The following RHOBTB3 variants were observed in gnomAD, a reference collection of about 807,000 sequenced individuals.
RHOBTB3 encodes rho-related BTB domain-containing protein 3.
RHOBTB3 carries 47 observed loss-of-function variants against 67.2 expected under a neutral mutation model. The observed-to-expected ratio is 0.70, with a 90% CI of 0.55 to 0.89. The LOEUF (loss-of-function observed/expected upper bound fraction) is 0.89, where lower values mean the gene tolerates loss of function less well. Ranked by LOEUF, RHOBTB3 falls within the 40% of genes least tolerant of loss-of-function variation. RHOBTB3 has a pLI of 0.00. For synonymous variants in RHOBTB3, 273 were observed against 274.2 expected (o/e 1.00, Z 0.04); for missense variants, 631 against 750.0 (o/e 0.84, Z 1.85).
intron 3 of RHOBTB3, among the ~76,000 whole-genome samples, chr5:95,747,368 C>A (rs910596262): frequency 3.9e-5 from 6 of 152,216 alleles, no homozygotes; most frequent in Admixed American, 3.9e-4. Context: ...CCCAAGATCA[C>A]TCCCCAATTA....
intron 11 of RHOBTB3, among the ~76,000 whole-genome samples, chr5:95,792,467 G>A (rs113794341): frequency 2.7e-5 from 4 of 150,830 alleles, no homozygotes; most frequent in East Asian, 1.9e-4. Flanking sequence ...AAATAAGTCC[G>A]TTATATCCAG....
chr5:95,757,529 G>A (rs1366634531), intron 6 of RHOBTB3, among the ~76,000 whole-genome samples: 2 of 152,172 alleles, frequency 1.3e-5, no homozygotes, highest in Non-Finnish European at 2.9e-5. Context: ...CATACAGGTA[G>A]GGAAATTTGG....
At chr5:95,761,369 G>C (rs993552340) in intron 6 of RHOBTB3, among the ~76,000 whole-genome samples, 8 of 144,458 alleles carry the variant, frequency 5.5e-5, no homozygotes, top group Non-Finnish European at 1.1e-4. Flanking sequence ...TTGAGACAGG[G>C]TCTCACTCTG....
At chr5:95,759,643 C>T (rs1022654856) in intron 6 of RHOBTB3, among the ~76,000 whole-genome samples, 11 of 152,148 alleles carry the variant, frequency 7.2e-5, no homozygotes, top group South Asian at 2.1e-4. Flanking sequence ...TTTAAACCTA[C>T]GTTTTTCTCA....
At chr5:95,783,989 C>A in intron 10 of RHOBTB3, 26 bp downstream of exon 10, 1 of 1,515,418 alleles carries the variant, frequency 6.6e-7, no homozygotes, top group East Asian at 2.3e-5. Flanking sequence ...TATCTGATAG[C>A]CTAGTTTTTT....
intron 9 of RHOBTB3, 93 bp downstream of exon 9, chr5:95,780,518 T>A (rs1308872522): frequency 1.1e-5 from 12 of 1,059,810 alleles, no homozygotes; most frequent in Non-Finnish European, 1.7e-5. Context: ...TATTTTCATT[T>A]AAGATTTATT....
chr5:95,767,719 G>T (rs559102691), intron 7 of RHOBTB3: 6 of 654,532 alleles, frequency 9.2e-6, no homozygotes, highest in African/African-American at 3.6e-5. Context: ...GTAGGCATTT[G>T]TATGGAGTTG....
intron 7 of RHOBTB3, among the ~76,000 whole-genome samples, chr5:95,767,553 G>C (rs1745583366): frequency 1.3e-5 from 2 of 152,220 alleles, no homozygotes; most frequent in Admixed American, 1.3e-4. Flanking sequence ...GGCCAGGCTG[G>C]TCTCAAACTC....
intron 6 of RHOBTB3, 129 bp downstream of exon 6, chr5:95,755,890 C>A: frequency 1.2e-6 from 1 of 859,386 alleles, no homozygotes; most frequent in Non-Finnish European, 1.8e-6. Flanking sequence ...TAAGATTATA[C>A]ATGAAATATT....
rs1378568871 is a variant in RHOBTB3 at position 95,732,029 on chromosome 5, A to G, written c.173A>G (p.Tyr58Cys). 1 of 1,614,164 alleles carries G rather than the reference A, an allele frequency of 6.2e-7. No homozygotes were observed. The highest frequency in any genetic ancestry group is 8.5e-7 in the Non-Finnish European group (1 of 1,180,038). ...STVARPVFTE[Y>C]QASAFGNVKL... ...GTCGCGCGTCCGGTGTTCACCGAGT[A>G]TCAGGCCAGTGCGTTTGGGAATGTC... is the stretch of plus-strand genomic sequence containing the variant. Residue 58 changes from tyrosine to cysteine, a missense_variant, in exon 2 of 12, where the codon TAT becomes TGT. Coordinates refer to ENST00000379982, the MANE Select transcript of RHOBTB3 (RefSeq NM_014899.4).
intron 11 of RHOBTB3, 32 bp from the exon 12 acceptor site, chr5:95,793,027 T>C (rs765743317): frequency 1.9e-5 from 27 of 1,418,692 alleles, no homozygotes; most frequent in Admixed American, 1.2e-4. Flanking sequence ...ATAAAACATA[T>C]TCGGTTAACA....
chr5:95,755,782 G>C (rs1561446715), intron 6 of RHOBTB3, 21 bp downstream of exon 6: 8 of 1,610,502 alleles, frequency 5.0e-6, no homozygotes, highest in Non-Finnish European at 5.9e-6. Context: ...AAGTGGTTCT[G>C]GTTACTTACA....
At position 95,731,677 on chromosome 5, in the gene RHOBTB3, G is replaced by C. The variant is rs561235833; in HGVS notation, c.-6G>C. 58 of 1,613,500 alleles carry C rather than the reference G, an allele frequency of 3.6e-5. No homozygotes were observed. In the South Asian group the frequency reaches 6.4e-4, roughly 18 times the overall value. On this transcript the variant is annotated 5_prime_UTR_variant, in exon 1 of 12. Coordinates refer to ENST00000379982, the MANE Select transcript of RHOBTB3 (RefSeq NM_014899.4). The stretch of plus-strand genomic sequence containing the variant: ...GAGTCGCCGCCCTGCCCTTGGATTT[G>C]AGATCATGTACGTACGCGCCGCCGT...
chr5:95,744,935 G>T (rs1028617117), intron 3 of RHOBTB3, among the ~76,000 whole-genome samples: 6 of 151,988 alleles, frequency 3.9e-5, no homozygotes, highest in African/African-American at 1.2e-4. Flanking sequence ...GCCAGGTGTG[G>T]TGATGCACAC....
intron 4 of RHOBTB3, 145 bp from the exon 5 acceptor site, chr5:95,752,094 A>T: frequency 1.8e-6 from 1 of 557,806 alleles, no homozygotes; most frequent in Non-Finnish European, 3.2e-6. Context: ...TTAAATAAAA[A>T]CATTGTTTAT....
intron 3 of RHOBTB3, among the ~76,000 whole-genome samples, chr5:95,740,154 T>C (rs1580397770): frequency 6.6e-6 from 1 of 152,148 alleles, no homozygotes; most frequent in Non-Finnish European, 1.5e-5. Context: ...AGATGTAACT[T>C]TGCTCCTCCT....
chr5:95,788,039 T>A (rs1444093826), intron 10 of RHOBTB3, among the ~76,000 whole-genome samples: 2 of 152,030 alleles, frequency 1.3e-5, no homozygotes, highest in South Asian at 2.1e-4. Flanking sequence ...ATAATAATAA[T>A]AAAAAAAAGA....
chr5:95,758,820 G>A (rs560718510), intron 6 of RHOBTB3, among the ~76,000 whole-genome samples: 14 of 152,326 alleles, frequency 9.2e-5, no homozygotes, highest in East Asian at 1.9e-4. Flanking sequence ...AGTAGTCTCC[G>A]AGGTGGTGCT....
Position 95,731,420 on chromosome 5 carries a change from TC to T in RHOBTB3, c.-260del. 8.4e-7 allele frequency: 1 copy of T among 1,192,446 alleles called. No individual in the cohort carries two copies. Among genetic ancestry groups the T allele is most frequent in the Non-Finnish European group, 1.0e-6 (1 of 965,454 alleles). The allele number at this position is 1,192,446 out of a possible 1,614,324, so 73.9% of individuals were successfully genotyped here. A position where few individuals can be genotyped will look rare whatever the true frequency, so the allele number is the denominator to read the frequency against. ...GCGTCCACTTGGGGCTGTGCGGCGG[TC>T]CCGCGCCCGGCGATGTTCCCGGGCA... On this transcript the variant is annotated 5_prime_UTR_variant, in exon 1 of 12. Coordinates refer to ENST00000379982, the MANE Select transcript of RHOBTB3 (RefSeq NM_014899.4).
Sources: gnomAD v4.1 joint callset for allele counts (sites outside exome capture counted in the v4.1 genomes callset) on GRCh38, gnomAD v4.1.1 for gene constraint, MANE v1.5 for transcripts, NCBI Gene and HGNC (gene_info 2026-07-23, HGNC 2026-07-21) for gene names.